LDLRAD3: variants seen among roughly 807,000 people sequenced by gnomAD.
LDLRAD3 encodes the protein low-density lipoprotein receptor class A domain-containing protein 3.
Under a neutral mutation model 29.4 loss-of-function variants are expected in LDLRAD3, and 20 were observed. The observed-to-expected ratio is 0.68, with a 90% CI of 0.48 to 0.99. The LOEUF (loss-of-function observed/expected upper bound fraction) is 0.99, where lower values mean the gene tolerates loss of function less well. LDLRAD3 is among the 50% of genes least tolerant of loss of function. The pLI is 0.00. For missense variants in LDLRAD3, 420 were observed against 454.3 expected, an observed-to-expected ratio of 0.92 and a Z score of 0.69; for synonymous variants, 157 against 192.7, an observed-to-expected ratio of 0.81 and a Z score of 1.53.
chr11:36,114,368 C>T (rs992486907), intron 4 of LDLRAD3, among the ~76,000 whole-genome samples: 3 of 152,130 alleles, frequency 2.0e-5, no homozygotes, highest in African/African-American at 7.2e-5. Flanking sequence ...AGTGGCTGCC[C>T]GTCTCCTTTG....
At chr11:36,189,215 G>A (rs538067130) in intron 4 of LDLRAD3, among the ~76,000 whole-genome samples, 6 of 152,320 alleles carry the variant, frequency 3.9e-5, no homozygotes, top group African/African-American at 1.4e-4. Context: ...GCTGGATGCA[G>A]TGGCTCACAC....
chr11:36,035,884 T>C (rs1852297201), intron 1 of LDLRAD3, among the ~76,000 whole-genome samples: 1 of 152,226 alleles, frequency 6.6e-6, no homozygotes, highest in South Asian at 2.1e-4. Context: ...CATTCAAGTA[T>C]GTTTGTTCCC....
intron 2 of LDLRAD3, among the ~76,000 whole-genome samples, chr11:36,072,762 C>A (rs1852928302): frequency 6.6e-6 from 1 of 152,156 alleles, no homozygotes; most frequent in African/African-American, 2.4e-5. Context: ...CTGAGTGCAC[C>A]TATGTGGACT....
At chr11:36,159,759 G>A (rs866427089) in intron 4 of LDLRAD3, among the ~76,000 whole-genome samples, 4 of 151,880 alleles carry the variant, frequency 2.6e-5, no homozygotes, top group Non-Finnish European at 5.9e-5. Context: ...GCAACAGAGC[G>A]AGGCCCTCAA....
intron 4 of LDLRAD3, chr11:36,196,379 TG>T (rs1855033477): frequency 6.6e-6 from 1 of 152,252 alleles, no homozygotes; most frequent in African/African-American, 2.4e-5. Context: ...AAGTTGTCAG[TG>T]TGCGATGATT....
chr11:35,971,946 G>T (rs1028200521), intron 1 of LDLRAD3, among the ~76,000 whole-genome samples: 8 of 152,120 alleles, frequency 5.3e-5, no homozygotes, highest in Admixed American at 5.2e-4. Flanking sequence ...TGAATGGATG[G>T]TGGCTCCATT....
chr11:36,037,469 C>T (rs183377968), intron 2 of LDLRAD3, among the ~76,000 whole-genome samples: 17 of 152,220 alleles, frequency 1.1e-4, no homozygotes, highest in Admixed American at 3.9e-4. Context: ...CACCCACCAC[C>T]GTGCCCAACT....
At chr11:36,107,470 A>G (rs928228665) in intron 4 of LDLRAD3, among the ~76,000 whole-genome samples, 1 of 152,210 alleles carries the variant, frequency 6.6e-6, no homozygotes, top group Non-Finnish European at 1.5e-5. Flanking sequence ...TGCTGGGATT[A>G]CAGGTGTGAG....
intron 3 of LDLRAD3, among the ~76,000 whole-genome samples, chr11:36,084,535 A>G (rs1054662852): frequency 4.6e-5 from 7 of 152,348 alleles, no homozygotes; most frequent in Middle Eastern, 3.4e-3. Context: ...AGTGGTAAAT[A>G]AAAGTATGAG....
At chr11:36,194,476 A>G (rs1306253502) in intron 4 of LDLRAD3, among the ~76,000 whole-genome samples, 1 of 152,176 alleles carries the variant, frequency 6.6e-6, no homozygotes, top group South Asian at 2.1e-4. Context: ...CATATCCTCC[A>G]GGTCCTATCT....
chr11:36,156,509 C>CTT (rs1565265583), intron 4 of LDLRAD3, among the ~76,000 whole-genome samples: 1 of 152,218 alleles, frequency 6.6e-6, no homozygotes, highest in South Asian at 2.1e-4. Context: ...TGCTGTCTCA[C>CTT]TGCAGTAAAC....
chr11:36,124,121 G>A (rs1359793463), intron 4 of LDLRAD3, among the ~76,000 whole-genome samples: 1 of 152,236 alleles, frequency 6.6e-6, no homozygotes, highest in East Asian at 1.9e-4. Context: ...TGGCAGAGAA[G>A]CTGGTCTTCA....
At chr11:36,217,922 A>T (rs376043253) in intron 4 of LDLRAD3, among the ~76,000 whole-genome samples, 1 of 152,196 alleles carries the variant, frequency 6.6e-6, no homozygotes, top group Admixed American at 6.5e-5. Context: ...CTAATTCAGA[A>T]TGAGCTCATC....
intron 1 of LDLRAD3, among the ~76,000 whole-genome samples, chr11:35,986,572 T>C (rs1851617200): frequency 6.6e-6 from 1 of 152,198 alleles, no homozygotes; most frequent in Non-Finnish European, 1.5e-5. Flanking sequence ...CCCTGCAGAT[T>C]GGATGGCAGT....
At chr11:36,204,931 A>C (rs1240244949) in intron 4 of LDLRAD3, among the ~76,000 whole-genome samples, 1 of 152,194 alleles carries the variant, frequency 6.6e-6, no homozygotes, top group Admixed American at 6.5e-5. Context: ...GTTCTGCAGA[A>C]GTCCCTTGAG....
intron 4 of LDLRAD3, among the ~76,000 whole-genome samples, chr11:36,111,361 C>T (rs76567128): frequency 0.17 from 26,396 of 151,948 alleles, 2,707 homozygotes; most frequent in Admixed American, 0.26. Flanking sequence ...CCTCCTGCTT[C>T]CAACAAGTGG....
rs563970111 is a variant in LDLRAD3 at position 36,086,093 on chromosome 11, C to A, written c.319+4315C>A. 6.4e-4 allele frequency among the ~76,000 whole-genome samples: 97 copies of A among 152,258 alleles called. 1 individual carries two copies. The highest frequency in any genetic ancestry group is 2.3e-3 in the African/African-American group (95 of 41,564). On this transcript the variant is annotated intron_variant, in intron 3 of 5. Coordinates refer to ENST00000315571, the MANE Select transcript of LDLRAD3 (RefSeq NM_174902.4). ...ATTTCAGTTACTGTATCTTTCTGTT[C>A]TAAAATTTCTTTTTGGTTTTCTTTA... is the stretch of plus-strand genomic sequence containing the variant.
At chr11:36,004,022 C>T (rs1851855464) in intron 1 of LDLRAD3, among the ~76,000 whole-genome samples, 1 of 152,170 alleles carries the variant, frequency 6.6e-6, no homozygotes, top group South Asian at 2.1e-4. Context: ...CAGGCCTCTC[C>T]TCCAATATGA....
chr11:36,178,530 A>C (rs1854711675), intron 4 of LDLRAD3, among the ~76,000 whole-genome samples: 1 of 152,334 alleles, frequency 6.6e-6, no homozygotes, highest in Admixed American at 6.5e-5. Context: ...CCTTTTGAGT[A>C]AGCTCCTCAC....
Sources: gnomAD v4.1 joint callset for allele counts (sites outside exome capture counted in the v4.1 genomes callset) on GRCh38, gnomAD v4.1.1 for gene constraint, MANE v1.5 for transcripts, NCBI Gene and HGNC (gene_info 2026-07-23, HGNC 2026-07-21) for gene names.